ZNF441: variants seen among roughly 807,000 people sequenced by gnomAD.
ZNF441 encodes the protein zinc finger protein 441.
ZNF441 carries 25 observed loss-of-function variants against 64.5 expected under a neutral mutation model. The observed-to-expected ratio is 0.39, with a 90% CI of 0.28 to 0.54. The LOEUF (loss-of-function observed/expected upper bound fraction) is 0.54, where lower values mean the gene tolerates loss of function less well. Ranked by LOEUF, ZNF441 falls within the 20% of genes least tolerant of loss-of-function variation. ZNF441 has a pLI of 0.70. For synonymous variants in ZNF441, 262 were observed against 268.0 expected, an observed-to-expected ratio of 0.98 and a Z score of 0.22; for missense variants, 715 against 843.3, an observed-to-expected ratio of 0.85 and a Z score of 1.88.
rs117983782 is a variant in ZNF441 at position 11,781,928 on chromosome 19, A to G, written c.*22A>G. The stretch of plus-strand genomic sequence containing the variant: ...CTAGAGAAAACCCCTATGAGTGTTG[A>G]ACATGTGAGAAAGCCTTAAGTACTT... On this transcript the variant is annotated 3_prime_UTR_variant, in exon 4 of 4. Coordinates refer to ENST00000357901, the MANE Select transcript of ZNF441 (RefSeq NM_152355.3). The G allele has an allele frequency of 1.6e-3, 2,419 of 1,527,690 alleles. 66 individuals are homozygous for G. In the East Asian group the frequency reaches 0.052, roughly 33 times the overall value. The allele number at this position is 1,527,690 out of a possible 1,614,324, so 94.6% of individuals were successfully genotyped here.
rs537089824 is a variant in ZNF441 at position 11,767,904 on chromosome 19, C to G, written c.3+708C>G. The stretch of plus-strand genomic sequence containing the variant: ...CGCGAGGCAGCGGGGCTGAGGGCAC[C>G]TGGTTAATATCTAACTGCAATCTCG... On this transcript the variant is annotated intron_variant, in intron 1 of 3. Coordinates refer to ENST00000357901, the MANE Select transcript of ZNF441 (RefSeq NM_152355.3). The surrounding 1 kb of genome is among the most constrained non-coding windows in gnomAD (Gnocchi z 5.1). 6.6e-6 allele frequency among the ~76,000 whole-genome samples: 1 copy of G among 152,316 alleles called. No individual in the cohort carries two copies. Among genetic ancestry groups the G allele is most frequent in the South Asian group, 2.1e-4 (1 of 4,828 alleles).
chr19:11,779,931 A>G, intron 3 of ZNF441, 88 bp from the exon 4 acceptor site: 1 of 1,200,612 alleles, frequency 8.3e-7, no homozygotes, highest in Non-Finnish European at 1.2e-6. Context: ...AAGAAAAGAA[A>G]GAAAGAAAAG....
In ZNF441 at chr19:11,780,985, T is replaced by C. The variant is rs963902623; in HGVS notation, c.1161T>C (p.Thr387=). The C allele has an allele frequency of 6.2e-7, 1 of 1,613,834 alleles. No individual in the cohort carries two copies. Among genetic ancestry groups the C allele is most frequent in the Non-Finnish European group, 8.5e-7 (1 of 1,179,952 alleles). Residue 387 remains threonine, a synonymous_variant, in exon 4 of 4, where the codon ACT becomes ACC. Transcript: ENST00000357901. ...SLCRRHETTH[T]GEKPYKCECG... is the part of the protein sequence containing the mutation. ...GTCGAAGGCATGAAACAACTCATAC[T>C]GGGGAGAAACCCTATAAATGTGAAT... is the stretch of plus-strand genomic sequence containing the variant.
In ZNF441 at chr19:11,767,242, G is replaced by A. The variant is rs1473743129; in HGVS notation, c.3+46G>A. 6.4e-6 allele frequency: 10 copies of A among 1,554,312 alleles called. No homozygotes were observed. The highest frequency in any genetic ancestry group is 8.7e-6 in the Non-Finnish European group (10 of 1,148,554). ...GTCCCGACGCGTGAGAGGAGAGACT[G>A]GTTGGAACCGGCCGGAACCGGCTGT... is the stretch of plus-strand genomic sequence containing the variant. On this transcript the variant is annotated intron_variant, in intron 1 of 3. Transcript: ENST00000357901. This position sits in a 1 kb window ranked among gnomAD's most constrained non-coding sequence, Gnocchi z 5.1.
At position 11,769,865 on chromosome 19, in the gene ZNF441, G is replaced by A. The variant is rs928859916; in HGVS notation, c.3+2669G>A. Among the ~76,000 whole-genome samples the A allele has an allele frequency of 2.0e-5, 3 of 151,910 alleles. No homozygotes were observed. In the East Asian group the frequency reaches 5.8e-4, roughly 29 times the overall value. On this transcript the variant is annotated intron_variant, in intron 1 of 3. Transcript: ENST00000357901. ...AATTTTTTGTATTTTTAGTAGAGAC[G>A]GTGTTTCACCATGTTAGCCAAGATG...
At chr19:11,778,269 C>T in intron 2 of ZNF441, 61 bp from the exon 3 acceptor site, 2 of 1,188,638 alleles carry the variant, frequency 1.7e-6, no homozygotes, top group Non-Finnish European at 2.4e-6. Context: ...TACATAAAAT[C>T]TTACAGTCTT....
chr19:11,771,980 G>A (rs1975317725), intron 1 of ZNF441, among the ~76,000 whole-genome samples: 1 of 152,196 alleles, frequency 6.6e-6, no homozygotes, highest in South Asian at 2.1e-4. Flanking sequence ...CTGCCTTCAT[G>A]TTCCATCCTG....
At chr19:11,778,301 A>G (rs1368728984) in intron 2 of ZNF441, 29 bp from the exon 3 acceptor site, 1 of 1,387,364 alleles carries the variant, frequency 7.2e-7, no homozygotes, top group East Asian at 2.5e-5. Flanking sequence ...ATAATAATTT[A>G]TAGTCATTTT....
chr19:11,773,067 A>C (rs944101584), intron 1 of ZNF441, among the ~76,000 whole-genome samples: 3 of 152,192 alleles, frequency 2.0e-5, no homozygotes, highest in African/African-American at 7.2e-5. Flanking sequence ...CTGGGATTAC[A>C]GGTGTGAGCC....
chr19:11,777,468 TA>T (rs1975364178), intron 1 of ZNF441, 142 bp from the exon 2 acceptor site: 2 of 862,302 alleles, frequency 2.3e-6, no homozygotes, highest in Non-Finnish European at 3.4e-6. Flanking sequence ...AAAATGAGTG[TA>T]AAGAGAGAAT....
chr19:11,779,318 C>T (rs1053032174), intron 3 of ZNF441, among the ~76,000 whole-genome samples: 1 of 103,432 alleles, frequency 9.7e-6, no homozygotes, highest in African/African-American at 3.2e-5. Context: ...AACCCAGTTT[C>T]AAAAAAAAAA....
chr19:11,778,486 T>C, intron 3 of ZNF441, 93 bp downstream of exon 3: 1 of 1,027,242 alleles, frequency 9.7e-7, no homozygotes. Context: ...AGAGACAGTG[T>C]CTCACTTTGT....
Position 11,780,837 on chromosome 19 carries a change from G to T in ZNF441, c.1013G>T (p.Cys338Phe). The change falls in exon 4 of 4, where the codon TGT becomes TTT. Residue 338 changes from cysteine (C) to phenylalanine (F), a missense_variant. Coordinates refer to ENST00000357901, the MANE Select transcript of ZNF441 (RefSeq NM_152355.3). Reference protein sequence around the residue: ...RTHTGEKPYECKYCGKAFSDC... With the variant: ...RTHTGEKPYEFKYCGKAFSDC... ...CACACTGGAGAGAAACCGTATGAAT[G>T]TAAGTATTGTGGGAAAGCATTCTCT... The T allele has an allele frequency of 6.2e-7, 1 of 1,614,144 alleles. No individual in the cohort carries two copies. Among genetic ancestry groups the T allele is most frequent in the Non-Finnish European group, 8.5e-7 (1 of 1,180,022 alleles).
rs921316596 is a variant in ZNF441, at chr19:11,767,378, C to A, written c.3+182C>A. 6.6e-6 allele frequency among the ~76,000 whole-genome samples: 1 copy of A among 152,222 alleles called. No homozygotes were observed. Among genetic ancestry groups the A allele is most frequent in the African/African-American group, 2.4e-5 (1 of 41,462 alleles). ...AGCCGGGACCCCGGGCGTCCTGTCCCGTCCCTGCGCGGCCACTGCGGCCCT... is the reference window on the plus strand; with the variant it reads ...AGCCGGGACCCCGGGCGTCCTGTCCAGTCCCTGCGCGGCCACTGCGGCCCT... On this transcript the variant is annotated intron_variant, in intron 1 of 3. Transcript: ENST00000357901. This position sits in a 1 kb window ranked among gnomAD's most constrained non-coding sequence, Gnocchi z 5.1.
chr19:11,771,765 G>A (rs753462362), intron 1 of ZNF441, among the ~76,000 whole-genome samples: 3 of 152,208 alleles, frequency 2.0e-5, no homozygotes, highest in Non-Finnish European at 4.4e-5. Context: ...CAGGCGGTCC[G>A]TGGTCTAGCG....
Position 11,767,074 on chromosome 19 carries a change from T to TG in ZNF441, c.-117dup, listed in dbSNP as rs1599266142. 4 of 1,484,008 alleles carry TG rather than the reference T, an allele frequency of 2.7e-6. No homozygotes were observed. In the East Asian group the frequency reaches 9.9e-5, roughly 37 times the overall value. 91.9% of individuals were successfully genotyped at this position (1,484,008 alleles called of 1,614,324 possible). A position where few individuals can be genotyped will look rare whatever the true frequency, so the allele number is the denominator to read the frequency against. On this transcript the variant is annotated 5_prime_UTR_variant, in exon 1 of 4. Coordinates refer to ENST00000357901, the MANE Select transcript of ZNF441 (RefSeq NM_152355.3). This position sits in a 1 kb window ranked among gnomAD's most constrained non-coding sequence, Gnocchi z 5.1. ...CCGAGTCTTCTCCACGCCCCTGCAC[T>TG]GGGCTCCGGGTTCTGTCACTGAGAG...
In ZNF441 at chr19:11,767,138, G is replaced by A. The variant is rs1975276321; in HGVS notation, c.-56G>A. 3 of 1,553,194 alleles carry A rather than the reference G, an allele frequency of 1.9e-6. No homozygotes were observed. The highest frequency in any genetic ancestry group is 2.4e-5 in the East Asian group (1 of 40,970). ...TCTGTGGCAGCTTCTGTCTCGCTGGGACCCGCACTGACAGCGGGAGGCAGA... is the reference window on the plus strand; with the variant it reads ...TCTGTGGCAGCTTCTGTCTCGCTGGAACCCGCACTGACAGCGGGAGGCAGA... On this transcript the variant is annotated 5_prime_UTR_variant, in exon 1 of 4. Coordinates refer to ENST00000357901, the MANE Select transcript of ZNF441 (RefSeq NM_152355.3). The surrounding 1 kb of genome is among the most constrained non-coding windows in gnomAD (Gnocchi z 5.1).
In ZNF441 at chr19:11,776,979, T is replaced by C. The variant is rs539969116; in HGVS notation, c.4-632T>C. On this transcript the variant is annotated intron_variant, in intron 1 of 3. Coordinates refer to ENST00000357901, the MANE Select transcript of ZNF441 (RefSeq NM_152355.3). Reference sequence around the variant, plus strand: ...ATGAACCACCATACCGGGCTAATTTTTTGTATTTTTAGTAGAGACAGTGTT... The same window carrying C: ...ATGAACCACCATACCGGGCTAATTTCTTGTATTTTTAGTAGAGACAGTGTT... Among the ~76,000 whole-genome samples, 14 of 152,234 alleles carry C rather than the reference T, an allele frequency of 9.2e-5. No homozygotes were observed. The East Asian group carries it at 2.7e-3, about 29-fold the overall frequency.
In ZNF441 at chr19:11,767,257, G is replaced by A. The variant is rs537028483; in HGVS notation, c.3+61G>A. 3.6e-4 allele frequency: 551 copies of A among 1,551,988 alleles called. 1 individual carries two copies. The highest frequency in any genetic ancestry group is 1.2e-3 in the Middle Eastern group (7 of 5,988). On this transcript the variant is annotated intron_variant, in intron 1 of 3. Coordinates refer to ENST00000357901, the MANE Select transcript of ZNF441 (RefSeq NM_152355.3). The surrounding 1 kb of genome is among the most constrained non-coding windows in gnomAD (Gnocchi z 5.1). Reference sequence around the variant, plus strand: ...AGGAGAGACTGGTTGGAACCGGCCGGAACCGGCTGTGGTGGCACCAGGTCT... The same window carrying A: ...AGGAGAGACTGGTTGGAACCGGCCGAAACCGGCTGTGGTGGCACCAGGTCT...
Sources: gnomAD v4.1 joint callset for allele counts (sites outside exome capture counted in the v4.1 genomes callset) on GRCh38, gnomAD v4.1.1 for gene constraint, Gnocchi (gnomAD v3.1) non-coding constraint, MANE v1.5 for transcripts, NCBI Gene and HGNC (gene_info 2026-07-23, HGNC 2026-07-21) for gene names.